Variants in SNTG2 observed in about 807,000 individuals in gnomAD.
SNTG2 encodes syntrophin gamma 2, also known as gamma-2-syntrophin.
A neutral mutation model predicts 70.9 loss-of-function variants in SNTG2; 74 were observed. The ratio of observed to expected loss-of-function variants is 1.04; its 90% CI spans 0.86 to 1.27. The LOEUF is 1.27. Among genes scored for constraint, SNTG2 ranks in the 50% most tolerant of loss-of-function variants. The pLI is 0.00. For synonymous variants in SNTG2, 278 were observed against 273.8 expected (o/e 1.02, Z -0.15); for missense variants, 717 against 690.7 (o/e 1.04, Z -0.43).
At chr2:997,663 G>T (rs938833333) in intron 1 of SNTG2, among the ~76,000 whole-genome samples, 1 of 152,180 alleles carries the variant, frequency 6.6e-6, no homozygotes, top group Non-Finnish European at 1.5e-5. Flanking sequence ...TCTACATAGT[G>T]TGGTCTGGCA....
intron 14 of SNTG2, among the ~76,000 whole-genome samples, chr2:1,270,933 A>G (rs1284463468): frequency 6.6e-6 from 1 of 152,144 alleles, no homozygotes; most frequent in Non-Finnish European, 1.5e-5. Flanking sequence ...CCTTCTCTAA[A>G]AGGATTTCTG....
At chr2:1,101,880 C>G (rs1665803423) in intron 4 of SNTG2, among the ~76,000 whole-genome samples, 1 of 152,174 alleles carries the variant, frequency 6.6e-6, no homozygotes, top group African/African-American at 2.4e-5. Context: ...TCCAGGGACA[C>G]CAGAGCAGCC....
At chr2:1,241,307 G>A (rs1456691712) in intron 11 of SNTG2, among the ~76,000 whole-genome samples, 1 of 152,200 alleles carries the variant, frequency 6.6e-6, no homozygotes, top group East Asian at 1.9e-4. Flanking sequence ...GATCCTTGAT[G>A]CTAAACAGTG....
intron 1 of SNTG2, among the ~76,000 whole-genome samples, chr2:1,009,565 G>A (rs966577308): frequency 6.9e-6 from 1 of 145,984 alleles, no homozygotes; most frequent in Non-Finnish European, 1.5e-5. Flanking sequence ...TGATACTGGT[G>A]TGGGTTGTGT....
chr2:1,289,029 G>A (rs937364414), intron 14 of SNTG2, among the ~76,000 whole-genome samples: 1 of 151,914 alleles, frequency 6.6e-6, no homozygotes, highest in African/African-American at 2.4e-5. Context: ...TCTATTCCAC[G>A]ATCATCTTGA....
intron 12 of SNTG2, among the ~76,000 whole-genome samples, chr2:1,258,313 CTT>C (rs2148162196): frequency 6.6e-6 from 1 of 152,308 alleles, no homozygotes; most frequent in South Asian, 2.1e-4. Context: ...AGATGTAACT[CTT>C]ATGGCCTGAA....
At chr2:953,527 A>G (rs1332536409) in intron 1 of SNTG2, among the ~76,000 whole-genome samples, 3 of 152,226 alleles carry the variant, frequency 2.0e-5, no homozygotes, top group South Asian at 4.1e-4. Context: ...GCTGCATGAG[A>G]TGAATGAAGC....
intron 14 of SNTG2, among the ~76,000 whole-genome samples, chr2:1,301,883 ACAT>A (rs1680468940): frequency 6.6e-6 from 1 of 152,186 alleles, no homozygotes; most frequent in African/African-American, 2.4e-5. Flanking sequence ...GAACCTGGGA[ACAT>A]CAGGAGGGAA....
chr2:972,476 A>C (rs1016717133), intron 1 of SNTG2, among the ~76,000 whole-genome samples: 1 of 152,108 alleles, frequency 6.6e-6, no homozygotes, highest in Admixed American at 6.6e-5. Context: ...ACATCTAACA[A>C]GCAAACAGAA....
At chr2:1,319,662 G>A (rs1681435307) in intron 16 of SNTG2, among the ~76,000 whole-genome samples, 1 of 152,204 alleles carries the variant, frequency 6.6e-6, no homozygotes, top group Admixed American at 6.5e-5. Flanking sequence ...AAGAAGAGGG[G>A]ACACAGATGA....
At chr2:1,158,998 T>A (rs4455190) in intron 6 of SNTG2, among the ~76,000 whole-genome samples, 116,091 of 151,444 alleles carry the variant, frequency 0.77, 45,507 homozygotes, top group Non-Finnish European at 0.86. Flanking sequence ...GGAAGTCAGC[T>A]TGTGGATGTC....
At chr2:1,280,382 G>A (rs1679462948) in intron 14 of SNTG2, among the ~76,000 whole-genome samples, 1 of 152,148 alleles carries the variant, frequency 6.6e-6, no homozygotes, top group South Asian at 2.1e-4. Flanking sequence ...TTCAGAGCTG[G>A]TTCAGCAGCC....
chr2:1,249,499 G>T (rs958192357), intron 12 of SNTG2, among the ~76,000 whole-genome samples: 3 of 152,198 alleles, frequency 2.0e-5, no homozygotes, highest in Non-Finnish European at 4.4e-5. Flanking sequence ...TGAAAATCCA[G>T]AGTGCAGGGA....
chr2:1,132,681 G>A (rs967567584), intron 4 of SNTG2, among the ~76,000 whole-genome samples: 1 of 152,182 alleles, frequency 6.6e-6, no homozygotes, highest in South Asian at 2.1e-4. Flanking sequence ...CTGTTAGGCG[G>A]GTTAGCCATC....
At chr2:982,671 G>A (rs187848819) in intron 1 of SNTG2, among the ~76,000 whole-genome samples, 22 of 152,316 alleles carry the variant, frequency 1.4e-4, no homozygotes, top group African/African-American at 4.8e-4. Context: ...AAGAAGCAGC[G>A]TGGACAGGAC....
At chr2:953,741 G>A (rs1171027512) in intron 1 of SNTG2, among the ~76,000 whole-genome samples, 4 of 152,200 alleles carry the variant, frequency 2.6e-5, no homozygotes, top group African/African-American at 4.8e-5. Context: ...TTTGAATGAG[G>A]TCCAATTAAG....
chr2:1,224,852 G>A (rs957638549), intron 9 of SNTG2, among the ~76,000 whole-genome samples: 2 of 152,226 alleles, frequency 1.3e-5, no homozygotes, highest in African/African-American at 2.4e-5. Context: ...AATGGAAGCC[G>A]TGATAACTCA....
intron 9 of SNTG2, among the ~76,000 whole-genome samples, chr2:1,215,541 C>CT (rs1221084772): frequency 3.9e-5 from 4 of 101,562 alleles, no homozygotes; most frequent in East Asian, 5.2e-4. Flanking sequence ...TACACTAATT[C>CT]TTTTTTTTCT....
chr2:1,079,191 G>A (rs1664120109), intron 1 of SNTG2, among the ~76,000 whole-genome samples: 1 of 152,216 alleles, frequency 6.6e-6, no homozygotes, highest in Non-Finnish European at 1.5e-5. Context: ...CTCCTGGTGA[G>A]TGACCTGCTG....
Sources: allele counts gnomAD v4.1 joint callset (sites outside exome capture counted in the v4.1 genomes callset), GRCh38; gene constraint gnomAD v4.1.1; transcripts MANE v1.5; gene names NCBI Gene and HGNC (gene_info 2026-07-23, HGNC 2026-07-21).